CYB5R4: variants seen among roughly 807,000 people sequenced by gnomAD.
CYB5R4 encodes N-terminal cytochrome b5 and cytochrome b5 oxidoreductase domain-containing protein.
In CYB5R4, 55 loss-of-function variants were observed where a neutral mutation model predicts 70.2. That is an observed-to-expected ratio of 0.78 (90% confidence interval 0.63 to 0.98). The LOEUF is 0.98. Among genes scored for constraint, CYB5R4 ranks in the 50% least tolerant of loss-of-function variants. CYB5R4 has a pLI of 0.00. For synonymous variants in CYB5R4, 197 were observed against 199.5 expected (o/e 0.99, Z 0.11); for missense variants, 562 against 612.6 (o/e 0.92, Z 0.87).
chr6:83,899,954 GTC>G (rs1219378850), intron 3 of CYB5R4, among the ~76,000 whole-genome samples: 1 of 151,970 alleles, frequency 6.6e-6, no homozygotes, highest in Non-Finnish European at 1.5e-5. Flanking sequence ...GGTTTTTTAT[GTC>G]TCTATCTCCT....
intron 2 of CYB5R4, among the ~76,000 whole-genome samples, chr6:83,876,498 C>CTT (rs11399515): frequency 0.035 from 5,055 of 143,980 alleles, 193 homozygotes; most frequent in African/African-American, 0.089. Flanking sequence ...TACTTCTTTG[C>CTT]TTTTTTTTTT....
At chr6:83,866,522 T>C (rs1350911712) in intron 2 of CYB5R4, among the ~76,000 whole-genome samples, 1 of 152,200 alleles carries the variant, frequency 6.6e-6, no homozygotes, top group East Asian at 1.9e-4. Context: ...TTTGGGATAC[T>C]TAACCTCTAC....
chr6:83,914,219 T>G (rs1394739705), intron 4 of CYB5R4, among the ~76,000 whole-genome samples, 197 bp from the exon 5 acceptor site: 1 of 152,146 alleles, frequency 6.6e-6, no homozygotes, highest in Admixed American at 6.6e-5. Flanking sequence ...AGAAATATGG[T>G]CTGGCAGTCT....
intron 4 of CYB5R4, among the ~76,000 whole-genome samples, chr6:83,910,679 C>G (rs1247813683): frequency 6.6e-6 from 1 of 152,012 alleles, no homozygotes; most frequent in Non-Finnish European, 1.5e-5. Flanking sequence ...ACAGGTGATT[C>G]CAGATAAGAA....
chr6:83,909,236 C>T lies in CYB5R4; in HGVS notation c.412+146C>T, dbSNP rs569548539. On this transcript the variant is annotated intron_variant, in intron 4 of 15. Transcript: ENST00000369681. ...CTGGTCTAGCCACTCCAGAGGTTTT[C>T]CTTCATTTCTTCTCTAGAATCATAT... The T allele has an allele frequency of 9.4e-6, 5 of 533,276 alleles. No individual in the cohort carries two copies. The South Asian group carries it at 1.9e-4, about 20-fold the overall frequency. 33.0% of individuals were successfully genotyped at this position (533,276 alleles called of 1,614,324 possible). A position where few individuals can be genotyped will look rare whatever the true frequency, so the allele number is the denominator to read the frequency against.
At chr6:83,907,442 C>G (rs188582697) in intron 3 of CYB5R4, among the ~76,000 whole-genome samples, 2 of 151,850 alleles carry the variant, frequency 1.3e-5, no homozygotes, top group East Asian at 3.9e-4. Flanking sequence ...TGTTTACTAG[C>G]AGTTCTTATA....
intron 10 of CYB5R4, among the ~76,000 whole-genome samples, chr6:83,925,076 A>G (rs1187577143): frequency 1.3e-5 from 2 of 152,208 alleles, no homozygotes; most frequent in African/African-American, 4.8e-5. Context: ...TTATAAAGAA[A>G]AAAGGTTAAT....
At chr6:83,863,635 T>C (rs2129127248) in intron 1 of CYB5R4, among the ~76,000 whole-genome samples, 1 of 152,266 alleles carries the variant, frequency 6.6e-6, no homozygotes, top group East Asian at 1.9e-4. Context: ...CCATTCCTGT[T>C]ATATGGTCAG....
intron 14 of CYB5R4, among the ~76,000 whole-genome samples, chr6:83,949,853 T>C (rs1229000493): frequency 6.6e-6 from 1 of 152,186 alleles, no homozygotes; most frequent in Non-Finnish European, 1.5e-5. Flanking sequence ...AAAACAAACA[T>C]TAATACCTAC....
chr6:83,895,175 TG>T (rs1245975641), intron 3 of CYB5R4, among the ~76,000 whole-genome samples: 1 of 152,120 alleles, frequency 6.6e-6, no homozygotes, highest in Non-Finnish European at 1.5e-5. Context: ...TGTCTGTCTG[TG>T]TATCTATGAG....
chr6:83,953,700 G>GT (rs1179635895), intron 14 of CYB5R4, among the ~76,000 whole-genome samples: 9 of 152,140 alleles, frequency 5.9e-5, no homozygotes, highest in African/African-American at 1.7e-4. Flanking sequence ...ATCTGGAGTT[G>GT]TGACAGTAAA....
chr6:83,954,946 G>A (rs2099472107), intron 14 of CYB5R4, among the ~76,000 whole-genome samples: 1 of 149,602 alleles, frequency 6.7e-6, no homozygotes, highest in Admixed American at 6.7e-5. Flanking sequence ...AGGTCTCACT[G>A]TGTTGCCCAG....
intron 14 of CYB5R4, among the ~76,000 whole-genome samples, chr6:83,953,157 C>G (rs1197339435): frequency 1.3e-5 from 2 of 152,082 alleles, no homozygotes; most frequent in Non-Finnish European, 2.9e-5. Flanking sequence ...CAGTATATGC[C>G]TTCCTGAAGA....
intron 1 of CYB5R4, 105 bp downstream of exon 1, chr6:83,859,962 C>T: frequency 1.9e-6 from 2 of 1,077,720 alleles, no homozygotes; most frequent in Non-Finnish European, 2.6e-6. Context: ...CCTCTCTAAG[C>T]TGTCGTTCCC....
chr6:83,881,509 T>A (rs1195782224), intron 2 of CYB5R4, among the ~76,000 whole-genome samples: 2 of 152,226 alleles, frequency 1.3e-5, no homozygotes, highest in East Asian at 3.8e-4. Context: ...TTCGATAACT[T>A]CTTACACTAT....
chr6:83,912,653 G>T (rs549033246), intron 4 of CYB5R4, among the ~76,000 whole-genome samples: 1 of 152,336 alleles, frequency 6.6e-6, no homozygotes, highest in South Asian at 2.1e-4. Flanking sequence ...CTAAATGATG[G>T]AATTAGTTAC....
chr6:83,948,834 C>CT lies in CYB5R4; in HGVS notation c.1347-6455dup, dbSNP rs991338428. ...GAGTTTTGAGGATGAGGAAAGGCCCCTTTTTTTTTCATGTCTGGATGCCTG... is the reference window on the plus strand; with the variant it reads ...GAGTTTTGAGGATGAGGAAAGGCCCCTTTTTTTTTTCATGTCTGGATGCCTG... On this transcript the variant is annotated intron_variant, in intron 14 of 15. Transcript: ENST00000369681. Among the ~76,000 whole-genome samples, 13 of 150,840 alleles carry CT rather than the reference C, an allele frequency of 8.6e-5. No homozygotes were observed. The South Asian group carries it at 1.0e-3, about 12-fold the overall frequency.
At chr6:83,910,127 T>C (rs1274685288) in intron 4 of CYB5R4, 1 of 1,611,122 alleles carries the variant, frequency 6.2e-7, no homozygotes, top group South Asian at 1.1e-5. Context: ...TATAGTGGGC[T>C]GAGACATTAC....
chr6:83,906,161 A>T (rs1211461867), intron 3 of CYB5R4, among the ~76,000 whole-genome samples: 10 of 152,160 alleles, frequency 6.6e-5, no homozygotes, highest in Admixed American at 6.5e-4. Context: ...TGCTGCCTTC[A>T]GTGGTAGGCA....
Sources: allele counts gnomAD v4.1 joint callset (sites outside exome capture counted in the v4.1 genomes callset), GRCh38; gene constraint gnomAD v4.1.1; transcripts MANE v1.5; gene names NCBI Gene and HGNC (gene_info 2026-07-23, HGNC 2026-07-21).